The following TBC1D3H variants were observed in gnomAD, a reference collection of about 807,000 sequenced individuals.
TBC1D3H encodes TBC1 domain family member 3-like.
In TBC1D3H at chr17:36,386,053, G is replaced by A. The variant is rs1176649007; in HGVS notation, c.158+523C>T. On this transcript the variant is annotated intron_variant, in intron 3 of 13. Transcript: ENST00000610350. ...CGTGAGATGCCCAGAACGGGGCCCT[G>A]CCCATCTTCCCCCCGTTCTCCTAGG... Among the ~76,000 whole-genome samples the A allele has an allele frequency of 1.6e-5, 2 of 127,608 alleles. 1 individual carries two copies. Among genetic ancestry groups the A allele is most frequent in the African/African-American group, 5.9e-5 (2 of 33,716 alleles). 83.7% of individuals were successfully genotyped at this position (127,608 alleles called of 152,430 possible).
At chr17:36,388,276 GC>G (rs1330513339) in intron 1 of TBC1D3H, 48 bp downstream of exon 1, 1 of 122,206 alleles carries the variant, frequency 8.2e-6, no homozygotes, top group Admixed American at 8.1e-5. Flanking sequence ...CCGCACCGTA[GC>G]CACTGCCCCC....
Position 36,385,764 on chromosome 17 carries a change from T to A in TBC1D3H, c.159-471A>T, listed in dbSNP as rs1268519741. 6.9e-5 allele frequency among the ~76,000 whole-genome samples: 9 copies of A among 130,674 alleles called. 2 individuals are homozygous for A. The highest frequency in any genetic ancestry group is 2.6e-4 in the African/African-American group (9 of 34,954). The allele number at this position is 130,674 out of a possible 152,430, so 85.7% of individuals were successfully genotyped here. A position where few individuals can be genotyped will look rare whatever the true frequency, so the allele number is the denominator to read the frequency against. ...GGCTGCACCAGGGGCCCACCCCACT[T>A]GACAGCCCCAAGGCCCTTGCAGATT... On this transcript the variant is annotated intron_variant, in intron 3 of 13. Transcript: ENST00000610350.
At chr17:36,385,911 T>C (rs1414443975) in intron 3 of TBC1D3H, among the ~76,000 whole-genome samples, 1 of 127,386 alleles carries the variant, frequency 7.9e-6, no homozygotes, top group Admixed American at 7.5e-5. Flanking sequence ...TGTCTCTCCA[T>C]CCTGTGATCC....
rs1171853131 is a variant in TBC1D3H, at chr17:36,385,864, A to G, written c.159-571T>C. Among the ~76,000 whole-genome samples the G allele has an allele frequency of 1.9e-3, 239 of 128,874 alleles. 3 individuals are homozygous for G. The highest frequency in any genetic ancestry group is 6.3e-3 in the African/African-American group (205 of 32,632). The allele number at this position is 128,874 out of a possible 152,430, so 84.5% of individuals were successfully genotyped here. ...CTGCGTTTCAGAAGTGGCACGGCTC[A>G]TCAGCTCCCTCCCGCCCTACCTCCC... On this transcript the variant is annotated intron_variant, in intron 3 of 13. Coordinates refer to ENST00000610350, the MANE Select transcript of TBC1D3H (RefSeq NM_001123392.4).
rs1209011204 is a variant in TBC1D3H at position 36,385,481 on chromosome 17, GAGA to G, written c.159-191_159-189del. On this transcript the variant is annotated intron_variant, in intron 3 of 13. Transcript: ENST00000610350. ...GATTCCCAGGAGGGGCAGGACCTGGGAGAAGAAGGAGTGTAGGGACAGCCTGGC... is the reference window on the plus strand; with the variant it reads ...GATTCCCAGGAGGGGCAGGACCTGGGAGAAGGAGTGTAGGGACAGCCTGGC... Among the ~76,000 whole-genome samples, 6 of 131,794 alleles carry G rather than the reference GAGA, an allele frequency of 4.6e-5. 1 individual carries two copies. The highest frequency in any genetic ancestry group is 2.3e-4 in the East Asian group (1 of 4,302). 86.5% of individuals were successfully genotyped at this position (131,794 alleles called of 152,430 possible).
In TBC1D3H at chr17:36,386,044, C is replaced by T. The variant is rs1369349627; in HGVS notation, c.158+532G>A. ...TGGCCTCACCGTGAGATGCCCAGAA[C>T]GGGGCCCTGCCCATCTTCCCCCCGT... is the stretch of plus-strand genomic sequence containing the variant. On this transcript the variant is annotated intron_variant, in intron 3 of 13. Transcript: ENST00000610350. 6.3e-5 allele frequency among the ~76,000 whole-genome samples: 8 copies of T among 127,542 alleles called. 1 individual carries two copies. Among genetic ancestry groups the T allele is most frequent in the Admixed American group, 1.5e-4 (2 of 13,378 alleles). 83.7% of individuals were successfully genotyped at this position (127,542 alleles called of 152,430 possible).
intron 3 of TBC1D3H, among the ~76,000 whole-genome samples, chr17:36,385,778 C>A (rs1362211922): frequency 7.6e-6 from 1 of 131,672 alleles, no homozygotes; most frequent in Non-Finnish European, 1.6e-5. Context: ...AGCCCCAAGG[C>A]CCTTGCAGAT....
chr17:36,385,542 G>A (rs2069649432), intron 3 of TBC1D3H, among the ~76,000 whole-genome samples: 1 of 123,010 alleles, frequency 8.1e-6, no homozygotes, highest in African/African-American at 3.0e-5. Context: ...GTGGGGGGCG[G>A]TCAGGCTGCC....
At chr17:36,385,808 C>G (rs1416477882) in intron 3 of TBC1D3H, among the ~76,000 whole-genome samples, 2 of 132,160 alleles carry the variant, frequency 1.5e-5, no homozygotes, top group African/African-American at 5.7e-5. Context: ...CCAGCATCCA[C>G]CTGCCTCTCC....
chr17:36,385,837 C>T (rs1342587925), intron 3 of TBC1D3H, among the ~76,000 whole-genome samples: 1 of 132,226 alleles, frequency 7.6e-6, no homozygotes, highest in Non-Finnish European at 1.6e-5. Context: ...GAGCCACACA[C>T]CCTGCGTTTC....
chr17:36,378,883 T>TTGGCTC lies in TBC1D3H; in HGVS notation c.1082-475_1082-470dup, dbSNP rs1180435499. ...ACCGTTCCCACTTCTGGCTGAACTC[T>TTGGCTC]TGGCTCTGGCTCTGGGCCCGGGGTC... On this transcript the variant is annotated intron_variant, in intron 13 of 13. Transcript: ENST00000610350. 3.6e-5 allele frequency among the ~76,000 whole-genome samples: 3 copies of TTGGCTC among 83,312 alleles called. 1 individual carries two copies. Among genetic ancestry groups the TTGGCTC allele is most frequent in the Non-Finnish European group, 5.6e-5 (3 of 53,224 alleles). 54.7% of individuals were successfully genotyped at this position (83,312 alleles called of 152,430 possible).
chr17:36,386,235 T>C (rs2069675758), intron 3 of TBC1D3H, among the ~76,000 whole-genome samples: 3 of 109,240 alleles, frequency 2.7e-5, no homozygotes, highest in Admixed American at 2.4e-4. Flanking sequence ...CCTGTGGCCA[T>C]AACCCTTGCA....
chr17:36,388,437 A>C (rs2069705874), upstream of TBC1D3H: 1 of 150,492 alleles, frequency 6.6e-6, no homozygotes, highest in Non-Finnish European at 1.5e-5. Flanking sequence ...TAGACCACTG[A>C]GGCAGGCCAG....
chr17:36,388,192 A>G (rs2142375636), intron 1 of TBC1D3H, 133 bp downstream of exon 1: 1 of 105,596 alleles, frequency 9.5e-6, no homozygotes, highest in East Asian at 3.1e-4. Context: ...CTACACGGGC[A>G]GTGTAGAACG....
intron 1 of TBC1D3H, among the ~76,000 whole-genome samples, 156 bp downstream of exon 1, chr17:36,388,167 GAA>G (rs2069697174): frequency 1.0e-5 from 1 of 95,828 alleles, no homozygotes; most frequent in Non-Finnish European, 2.1e-5. Flanking sequence ...CCATGGAGAC[GAA>G]AGAGCCAATC....
intron 3 of TBC1D3H, among the ~76,000 whole-genome samples, chr17:36,385,635 GC>G (rs1379047810): frequency 1.1e-3 from 133 of 117,266 alleles, no homozygotes; most frequent in Non-Finnish European, 1.8e-4. Flanking sequence ...GATGGGGGCC[GC>G]CCAGGGTGGG....
chr17:36,386,302 T>C (rs940524479), intron 3 of TBC1D3H, among the ~76,000 whole-genome samples: 3 of 93,180 alleles, frequency 3.2e-5, no homozygotes, highest in African/African-American at 1.8e-4. Context: ...GCCCCGCTCC[T>C]CTTGTGCTCA....
rs578163170 is a variant in TBC1D3H, at chr17:36,386,028, C to T, written c.158+548G>A. Among the ~76,000 whole-genome samples, 7 of 126,900 alleles carry T rather than the reference C, an allele frequency of 5.5e-5. 1 individual carries two copies. The highest frequency in any genetic ancestry group is 1.2e-4 in the Non-Finnish European group (7 of 60,142). 83.3% of individuals were successfully genotyped at this position (126,900 alleles called of 152,430 possible). A position where few individuals can be genotyped will look rare whatever the true frequency, so the allele number is the denominator to read the frequency against. ...AGCCCTGCTGCCTCCCTGGCCTCACCGTGAGATGCCCAGAACGGGGCCCTG... is the reference window on the plus strand; with the variant it reads ...AGCCCTGCTGCCTCCCTGGCCTCACTGTGAGATGCCCAGAACGGGGCCCTG... On this transcript the variant is annotated intron_variant, in intron 3 of 13. Coordinates refer to ENST00000610350, the MANE Select transcript of TBC1D3H (RefSeq NM_001123392.4).
rs1422992923 is a variant in TBC1D3H, at chr17:36,388,383, C to T, written c.-60G>A. ...CCTCTCAGGGAGAAAACCTTTGAGTCCACAGAGCTGCTCACAGATACCACT... is the reference window on the plus strand; with the variant it reads ...CCTCTCAGGGAGAAAACCTTTGAGTTCACAGAGCTGCTCACAGATACCACT... On this transcript the variant is annotated 5_prime_UTR_variant, in exon 1 of 14. Transcript: ENST00000610350. 4.7e-5 allele frequency: 7 copies of T among 148,244 alleles called. No homozygotes were observed. Among genetic ancestry groups the T allele is most frequent in the African/African-American group, 1.7e-4 (7 of 40,818 alleles). 9.2% of individuals were successfully genotyped at this position (148,244 alleles called of 1,614,324 possible).
Sources: allele counts gnomAD v4.1 joint callset (sites outside exome capture counted in the v4.1 genomes callset), GRCh38; gene constraint gnomAD v4.1.1; transcripts MANE v1.5; gene names NCBI Gene and HGNC (gene_info 2026-07-23, HGNC 2026-07-21).